The following MSRA variants were observed in gnomAD, a reference collection of about 807,000 sequenced individuals.
MSRA encodes methionine sulfoxide reductase A, also known as mitochondrial peptide methionine sulfoxide reductase.
Under a neutral mutation model 31.3 loss-of-function variants are expected in MSRA, and 54 were observed. The ratio of observed to expected loss-of-function variants is 1.73; its 90% CI spans 1.39 to 2.17. The LOEUF (loss-of-function observed/expected upper bound fraction) is 2.17. MSRA is among the 30% of genes most tolerant of loss of function. MSRA has a pLI of 0.00. For missense variants in MSRA, 507 were observed against 300.9 expected (o/e 1.69, Z -5.07); for synonymous variants, 169 against 116.5 (o/e 1.45, Z -2.90).
chr8:10,072,994 A>G (rs916986611), intron 1 of MSRA, among the ~76,000 whole-genome samples: 1 of 152,174 alleles, frequency 6.6e-6, no homozygotes, highest in Non-Finnish European at 1.5e-5. Flanking sequence ...AAGTTTTCTC[A>G]TAGACTTTTT....
intron 4 of MSRA, among the ~76,000 whole-genome samples, chr8:10,313,221 A>G (rs4546664): frequency 0.21 from 31,340 of 152,160 alleles, 4,479 homozygotes; most frequent in East Asian, 0.66. Flanking sequence ...TTCTCTCTCT[A>G]TATTCAGTCT....
intron 2 of MSRA, among the ~76,000 whole-genome samples, chr8:10,224,466 T>G (rs770534820): frequency 6.6e-6 from 1 of 150,882 alleles, no homozygotes; most frequent in Non-Finnish European, 1.5e-5. Flanking sequence ...ATTTTCCTAT[T>G]TAAACCACAG....
rs1805108279 is a variant in MSRA at position 10,365,462 on chromosome 8, A to G, written c.543+45473A>G. The stretch of plus-strand genomic sequence containing the variant: ...GCCACTCTATGCATCAGGTTTTAAA[A>G]TTGACAATCAGCCAGAATTAAAAGC... On this transcript the variant is annotated intron_variant, in intron 5 of 5. Coordinates refer to ENST00000317173, the MANE Select transcript of MSRA (RefSeq NM_012331.5). Among the ~76,000 whole-genome samples, 3 of 152,388 alleles carry G rather than the reference A, an allele frequency of 2.0e-5. No homozygotes were observed. In the South Asian group the frequency reaches 6.2e-4, roughly 32 times the overall value.
chr8:10,262,888 G>A lies in MSRA; in HGVS notation c.331+17665G>A. 1.3e-5 allele frequency among the ~76,000 whole-genome samples: 2 copies of A among 152,266 alleles called. 1 individual carries two copies. Among genetic ancestry groups the A allele is most frequent in the African/African-American group, 4.8e-5 (2 of 41,562 alleles). On this transcript the variant is annotated intron_variant, in intron 3 of 5. Coordinates refer to ENST00000317173, the MANE Select transcript of MSRA (RefSeq NM_012331.5). ...CTTCTATTGACCTTGTTACTGGGTTGTACCTATGGTTTTGGCCTCTCATTT... is the reference window on the plus strand; with the variant it reads ...CTTCTATTGACCTTGTTACTGGGTTATACCTATGGTTTTGGCCTCTCATTT...
chr8:10,282,293 A>G (rs1439405524), intron 3 of MSRA, among the ~76,000 whole-genome samples: 3 of 152,224 alleles, frequency 2.0e-5, no homozygotes, highest in Non-Finnish European at 2.9e-5. Flanking sequence ...AATCATTACT[A>G]ATTTATCTGC....
At chr8:10,091,301 TATAAC>T (rs1798841946) in intron 1 of MSRA, among the ~76,000 whole-genome samples, 1 of 152,234 alleles carries the variant, frequency 6.6e-6, no homozygotes, top group African/African-American at 2.4e-5. Context: ...ATTTATGGTG[TATAAC>T]ATATTTGCAA....
intron 1 of MSRA, among the ~76,000 whole-genome samples, chr8:10,075,421 G>C (rs1049488279): frequency 6.6e-6 from 1 of 152,196 alleles, no homozygotes; most frequent in Non-Finnish European, 1.5e-5. Flanking sequence ...ATTTTATTAC[G>C]ACTGTGTATG....
chr8:10,131,382 G>C (rs1801883218), intron 1 of MSRA, among the ~76,000 whole-genome samples: 1 of 152,238 alleles, frequency 6.6e-6, no homozygotes, highest in Non-Finnish European at 1.5e-5. Flanking sequence ...CTATTTTCAA[G>C]GATATGTAGG....
chr8:10,181,681 C>T (rs1806553402), intron 1 of MSRA, among the ~76,000 whole-genome samples: 1 of 152,132 alleles, frequency 6.6e-6, no homozygotes, highest in African/African-American at 2.4e-5. Flanking sequence ...GGAGGCAATT[C>T]ACTAGCAGAG....
intron 1 of MSRA, among the ~76,000 whole-genome samples, chr8:10,187,882 G>C (rs1230823153): frequency 6.6e-6 from 1 of 152,066 alleles, no homozygotes; most frequent in Non-Finnish European, 1.5e-5. Context: ...TATACATGTA[G>C]ACTATAAATT....
At chr8:10,393,920 T>G (rs1385459178) in intron 5 of MSRA, among the ~76,000 whole-genome samples, 1 of 152,198 alleles carries the variant, frequency 6.6e-6, no homozygotes. Flanking sequence ...AACTGTATGG[T>G]CTGCAGGCAC....
At chr8:10,254,473 A>C (rs59539576) in intron 3 of MSRA, among the ~76,000 whole-genome samples, 2 of 152,212 alleles carry the variant, frequency 1.3e-5, no homozygotes, top group Non-Finnish European at 2.9e-5. Flanking sequence ...GGTTTAGAAG[A>C]GCAATTGAAA....
intron 5 of MSRA, among the ~76,000 whole-genome samples, chr8:10,336,346 T>A (rs1803042594): frequency 6.6e-6 from 1 of 152,174 alleles, no homozygotes; most frequent in African/African-American, 2.4e-5. Flanking sequence ...ATATTATTTT[T>A]ATACATATTC....
intron 5 of MSRA, among the ~76,000 whole-genome samples, chr8:10,342,051 C>T (rs769869323): frequency 1.5e-4 from 23 of 152,118 alleles, no homozygotes; most frequent in Non-Finnish European, 1.8e-4. Context: ...TTTCCACTGC[C>T]GTCTAAGCTG....
intron 3 of MSRA, among the ~76,000 whole-genome samples, chr8:10,299,884 C>G (rs964148354): frequency 6.6e-6 from 1 of 152,150 alleles, no homozygotes; most frequent in Non-Finnish European, 1.5e-5. Flanking sequence ...ATTTATATAA[C>G]TAAGGCTTGA....
At chr8:10,160,194 G>C (rs944726086) in intron 1 of MSRA, among the ~76,000 whole-genome samples, 1 of 152,148 alleles carries the variant, frequency 6.6e-6, no homozygotes, top group East Asian at 1.9e-4. Context: ...CCCAACAGGT[G>C]ATTAGAAATA....
At chr8:10,308,250 C>G (rs915407869) in intron 4 of MSRA, among the ~76,000 whole-genome samples, 2 of 152,216 alleles carry the variant, frequency 1.3e-5, no homozygotes, top group Admixed American at 1.3e-4. Context: ...CAACTATAAG[C>G]TGGTGATGAA....
intron 2 of MSRA, among the ~76,000 whole-genome samples, chr8:10,239,683 A>G (rs1017213167): frequency 6.6e-6 from 1 of 152,186 alleles, no homozygotes; most frequent in African/African-American, 2.4e-5. Context: ...TTCCCAGATA[A>G]AAGTGTACTG....
intron 1 of MSRA, among the ~76,000 whole-genome samples, chr8:10,197,482 A>T (rs1003642468): frequency 6.6e-6 from 1 of 152,126 alleles, no homozygotes; most frequent in African/African-American, 2.4e-5. Flanking sequence ...AGCAACCCTA[A>T]GAAGTGGGTC....
Sources: allele counts gnomAD v4.1 joint callset (sites outside exome capture counted in the v4.1 genomes callset), GRCh38; gene constraint gnomAD v4.1.1; transcripts MANE v1.5; gene names NCBI Gene and HGNC (gene_info 2026-07-23, HGNC 2026-07-21).